GNAL: variants seen among roughly 807,000 people sequenced by gnomAD.
GNAL encodes guanine nucleotide-binding protein G(olf) subunit alpha.
A neutral mutation model predicts 55.1 loss-of-function variants in GNAL; 18 were observed. The ratio of observed to expected loss-of-function variants is 0.33; its 90% confidence interval spans 0.23 to 0.48. The LOEUF (loss-of-function observed/expected upper bound fraction) is 0.48, where lower values mean the gene tolerates loss of function less well. Among genes scored for constraint, GNAL ranks in the 20% least tolerant of loss-of-function variants. The pLI is 0.99. For synonymous variants in GNAL, 253 were observed against 237.0 expected, an observed-to-expected ratio of 1.07 and a Z score of -0.62; for missense variants, 412 against 614.1, an observed-to-expected ratio of 0.67 and a Z score of 3.48.
intron 1 of GNAL, among the ~76,000 whole-genome samples, chr18:11,743,317 A>G (rs1963227416): frequency 1.3e-5 from 2 of 151,296 alleles, no homozygotes; most frequent in Admixed American, 1.3e-4. Flanking sequence ...ACTAATACAA[A>G]AAAAAAAAAA....
intron 4 of GNAL, among the ~76,000 whole-genome samples, chr18:11,809,804 G>A (rs975789932): frequency 4.6e-5 from 7 of 152,202 alleles, no homozygotes; most frequent in East Asian, 1.9e-4. Flanking sequence ...CCAAGAACTG[G>A]AAGAAGTATT....
intron 1 of GNAL, among the ~76,000 whole-genome samples, chr18:11,740,633 A>G (rs1162035442): frequency 6.6e-6 from 1 of 152,132 alleles, no homozygotes; most frequent in East Asian, 1.9e-4. Flanking sequence ...TTCATTCCAT[A>G]TGTGTGTGTT....
chr18:11,786,436 C>CCTTTTTT (rs2034059621), intron 4 of GNAL, among the ~76,000 whole-genome samples: 1 of 60,674 alleles, frequency 1.6e-5, no homozygotes, highest in African/African-American at 7.0e-5. Flanking sequence ...CATACGTTTT[C>CCTTTTTT]TTTTTTTTTT....
chr18:11,824,766 A>G (rs2035196916), intron 4 of GNAL, 152 bp from the exon 5 acceptor site: 2 of 573,098 alleles, frequency 3.5e-6, no homozygotes, highest in African/African-American at 1.9e-5. Flanking sequence ...CACACTAAAC[A>G]TAGAGTCGGT....
intron 4 of GNAL, among the ~76,000 whole-genome samples, chr18:11,770,510 CTCAG>C (rs1299392258): frequency 2.6e-5 from 4 of 152,312 alleles, no homozygotes; most frequent in African/African-American, 4.8e-5. Context: ...TCTATGCAAT[CTCAG>C]TCAAACGAGT....
intron 1 of GNAL, among the ~76,000 whole-genome samples, chr18:11,722,753 T>G (rs2143409202): frequency 6.6e-6 from 1 of 152,252 alleles, no homozygotes; most frequent in South Asian, 2.1e-4. Flanking sequence ...GGCTCAGGCC[T>G]GTAATCCCAG....
Position 11,882,529 on chromosome 18 carries a change from T to A in GNAL, c.*1394T>A, listed in dbSNP as rs1036868799. 1 of 151,850 alleles carries A rather than the reference T, an allele frequency of 6.6e-6. No homozygotes were observed. Among genetic ancestry groups the A allele is most frequent in the Non-Finnish European group, 1.5e-5 (1 of 68,038 alleles). The allele number at this position is 151,850 out of a possible 1,614,324, so 9.4% of individuals were successfully genotyped here. On this transcript the variant is annotated 3_prime_UTR_variant, in exon 12 of 12. Transcript: ENST00000334049. The stretch of plus-strand genomic sequence containing the variant: ...GGCGAAACCCTGTCTCTACCAAAAA[T>A]ACAAAAATTAGCCAGGCGTGGTGGC...
chr18:11,787,591 G>A (rs982950896), intron 4 of GNAL, among the ~76,000 whole-genome samples: 2 of 152,082 alleles, frequency 1.3e-5, no homozygotes, highest in Non-Finnish European at 2.9e-5. Context: ...GGAAATATTT[G>A]GCCGGGCGCG....
chr18:11,769,674 T>C (rs1381387903), intron 4 of GNAL, among the ~76,000 whole-genome samples: 1 of 152,234 alleles, frequency 6.6e-6, no homozygotes, highest in Admixed American at 6.5e-5. Context: ...CAAATTGAAG[T>C]ATATATTTTT....
In GNAL at chr18:11,824,871, G is replaced by T. The variant is rs145497644; in HGVS notation, c.625-47G>T. The T allele has an allele frequency of 1.3e-3, 1,246 of 985,186 alleles. 10 individuals carry two copies. The African/African-American group carries it at 0.019, about 15-fold the overall frequency. 61.0% of individuals were successfully genotyped at this position (985,186 alleles called of 1,614,324 possible). A position where few individuals can be genotyped will look rare whatever the true frequency, so the allele number is the denominator to read the frequency against. On this transcript the variant is annotated intron_variant, in intron 4 of 11. Transcript: ENST00000334049. ...CTTTTTCCTTTTAACTTTTTAAAAGGTTATTACACTTTTTTTTTTTTAATT... is the reference window on the plus strand; with the variant it reads ...CTTTTTCCTTTTAACTTTTTAAAAGTTTATTACACTTTTTTTTTTTTAATT...
At chr18:11,792,218 C>G (rs1344591045) in intron 4 of GNAL, among the ~76,000 whole-genome samples, 1 of 152,050 alleles carries the variant, frequency 6.6e-6, no homozygotes, top group Non-Finnish European at 1.5e-5. Flanking sequence ...CCGTCTTACC[C>G]TGTTTCCCAG....
chr18:11,865,724 C>T (rs2036248494), intron 7 of GNAL, among the ~76,000 whole-genome samples: 2 of 143,876 alleles, frequency 1.4e-5, no homozygotes, highest in Admixed American at 6.8e-5. Context: ...CATTTCACTC[C>T]AGCCTGGGTG....
At chr18:11,695,922 G>GCACACACA (rs10661294) in intron 1 of GNAL, among the ~76,000 whole-genome samples, 13 of 136,052 alleles carry the variant, frequency 9.6e-5, no homozygotes, top group South Asian at 4.4e-4. Context: ...ATGCACGCAT[G>GCACACACA]CACACACACA....
chr18:11,733,941 A>C (rs988824942), intron 1 of GNAL, among the ~76,000 whole-genome samples: 1 of 151,106 alleles, frequency 6.6e-6, no homozygotes, highest in Non-Finnish European at 1.5e-5. Context: ...ATTCCTGGAC[A>C]GGTCCTGTGT....
chr18:11,711,617 T>A (rs1017492160), intron 1 of GNAL, among the ~76,000 whole-genome samples: 14 of 152,230 alleles, frequency 9.2e-5, no homozygotes, highest in African/African-American at 1.4e-4. Context: ...TACATAGTTT[T>A]CTGATTTCCC....
At position 11,872,389 on chromosome 18, in the gene GNAL, C is replaced by A; in HGVS notation, c.1153C>A (p.Pro385Thr). ...YFPEYANYTV[P>T]EDATPDAGED... ...CCCAGAATATGCAAATTATACTGTT[C>A]CTGAAGACGGTAAGATTTCAAAACA... Residue 385 changes from proline (P) to threonine (T), a missense_variant, in exon 10 of 12, where the codon CCT becomes ACT. Around this residue, in one of 5 missense-constraint regions of GNAL, gnomAD observed 79 missense variants for 127.1 expected, o/e 0.62. Transcript: ENST00000334049. 6.4e-7 allele frequency: 1 copy of A among 1,550,914 alleles called. No individual in the cohort carries two copies. Among genetic ancestry groups the A allele is most frequent in the Non-Finnish European group, 8.7e-7 (1 of 1,150,126 alleles).
intron 1 of GNAL, among the ~76,000 whole-genome samples, chr18:11,736,123 A>C (rs1183749170): frequency 6.6e-6 from 1 of 152,186 alleles, no homozygotes; most frequent in Admixed American, 6.5e-5. Flanking sequence ...CTGGCTGGGC[A>C]TGGTGGTTCA....
At chr18:11,842,160 T>C (rs76042038) in intron 5 of GNAL, among the ~76,000 whole-genome samples, 1 of 152,056 alleles carries the variant, frequency 6.6e-6, no homozygotes, top group East Asian at 1.9e-4. Flanking sequence ...GTTTTTTTTT[T>C]AGTAGAGACA....
At chr18:11,755,680 T>C (rs919035536) in intron 4 of GNAL, among the ~76,000 whole-genome samples, 12 of 152,224 alleles carry the variant, frequency 7.9e-5, no homozygotes, top group African/African-American at 2.6e-4. Context: ...ATTTCTAAAA[T>C]GGAGGAGTGA....
Sources: allele counts gnomAD v4.1 joint callset (sites outside exome capture counted in the v4.1 genomes callset), GRCh38; gene constraint gnomAD v4.1.1; regional missense constraint gnomAD v4.1.1; transcripts MANE v1.5; gene names NCBI Gene and HGNC (gene_info 2026-07-23, HGNC 2026-07-21).